The following SHANK2 variants were observed in gnomAD, a reference collection of about 807,000 sequenced individuals.
SHANK2 encodes SH3 and multiple ankyrin repeat domains protein 2.
Under a neutral mutation model 133.7 loss-of-function variants are expected in SHANK2, and 43 were observed. The observed-to-expected ratio is 0.32, with a 90% CI of 0.25 to 0.41. SHANK2 has a LOEUF of 0.41. SHANK2 is among the 10% of genes least tolerant of loss of function. The pLI is 1.00. For missense variants in SHANK2, 1,994 were observed against 2,235.8 expected, an observed-to-expected ratio of 0.89 and a Z score of 2.18; for synonymous variants, 1,017 against 952.8, an observed-to-expected ratio of 1.07 and a Z score of -1.24.
chr11:71,139,762 G>A (rs189716344), intron 3 of SHANK2, among the ~76,000 whole-genome samples: 103 of 152,256 alleles, frequency 6.8e-4, no homozygotes, highest in Middle Eastern at 3.4e-3. Context: ...TGCGTGGCCC[G>A]GGAAGCCCAC....
At chr11:71,211,329 A>T (rs576868300) in intron 2 of SHANK2, among the ~76,000 whole-genome samples, 24 of 150,682 alleles carry the variant, frequency 1.6e-4, no homozygotes, top group Non-Finnish European at 2.8e-4. Flanking sequence ...GCTTGAGCTC[A>T]GGTGTTCAAG....
At chr11:70,818,818 G>A (rs1473242949) in intron 12 of SHANK2, among the ~76,000 whole-genome samples, 1 of 152,194 alleles carries the variant, frequency 6.6e-6, no homozygotes, top group Non-Finnish European at 1.5e-5. Context: ...GGCTCTCACC[G>A]GCATGTTCTC....
intron 11 of SHANK2, among the ~76,000 whole-genome samples, chr11:70,886,813 G>A (rs965719994): frequency 6.6e-6 from 1 of 151,938 alleles, no homozygotes. Context: ...ACAGGCACCC[G>A]GTCTTGAAAC....
At chr11:70,758,068 C>T (rs564677) in intron 14 of SHANK2, among the ~76,000 whole-genome samples, 14,745 of 152,178 alleles carry the variant, frequency 0.097, 1,202 homozygotes, top group African/African-American at 0.22. Flanking sequence ...TGCAACTTAG[C>T]TGACACCCAA....
At chr11:71,128,889 A>G (rs1158334143) in intron 3 of SHANK2, among the ~76,000 whole-genome samples, 6 of 152,134 alleles carry the variant, frequency 3.9e-5, no homozygotes, top group Admixed American at 3.9e-4. Context: ...GGTTCAAGCA[A>G]TTCTCTTGCC....
At chr11:70,525,923 T>TG (rs757741946) in intron 17 of SHANK2, among the ~76,000 whole-genome samples, 1 of 151,702 alleles carries the variant, frequency 6.6e-6, no homozygotes, top group Non-Finnish European at 1.5e-5. Flanking sequence ...CTTGGTGGCC[T>TG]GGGGGGCAAC....
At chr11:71,213,398 G>A (rs759152903) in intron 2 of SHANK2, among the ~76,000 whole-genome samples, 4 of 152,202 alleles carry the variant, frequency 2.6e-5, no homozygotes, top group Non-Finnish European at 5.9e-5. Flanking sequence ...ATAGTGCCAA[G>A]TTGGACATCT....
intron 9 of SHANK2, among the ~76,000 whole-genome samples, chr11:71,056,801 T>C (rs1434175765): frequency 1.1e-5 from 1 of 90,136 alleles, no homozygotes; most frequent in Non-Finnish European, 3.4e-5. Context: ...CACATGTATA[T>C]AAAATATACA....
intron 15 of SHANK2, among the ~76,000 whole-genome samples, chr11:70,679,550 C>T (rs1215923652): frequency 6.6e-6 from 1 of 152,240 alleles, no homozygotes; most frequent in African/African-American, 2.4e-5. Flanking sequence ...ATGACCAGTA[C>T]AAAGGGCTGT....
At chr11:70,924,428 G>A (rs1950398117) in intron 10 of SHANK2, among the ~76,000 whole-genome samples, 1 of 152,148 alleles carries the variant, frequency 6.6e-6, no homozygotes, top group African/African-American at 2.4e-5. Flanking sequence ...TGGGGCTGAA[G>A]GAAAGCCATG....
At chr11:71,118,784 G>A (rs1440461891) in intron 4 of SHANK2, 45 bp downstream of exon 4, 6 of 1,466,712 alleles carry the variant, frequency 4.1e-6, no homozygotes, top group African/African-American at 1.4e-5. Context: ...ATGGCATCCA[G>A]GCTGTGACAC....
At chr11:70,850,491 C>T (rs1949069214) in intron 11 of SHANK2, among the ~76,000 whole-genome samples, 1 of 152,184 alleles carries the variant, frequency 6.6e-6, no homozygotes, top group Admixed American at 6.5e-5. Context: ...GTCCCTAAAG[C>T]ACCTGTGAGG....
chr11:70,599,957 A>G (rs1466703292), intron 17 of SHANK2, among the ~76,000 whole-genome samples: 3 of 133,364 alleles, frequency 2.2e-5, no homozygotes, highest in African/African-American at 9.8e-5. Context: ...GAAAGAAAGA[A>G]AGAAAGAAAG....
chr11:71,214,343 G>A (rs557982431), intron 2 of SHANK2, among the ~76,000 whole-genome samples: 33 of 152,262 alleles, frequency 2.2e-4, no homozygotes, highest in Admixed American at 7.2e-4. Flanking sequence ...GAGGAACCGC[G>A]TGCTGGCTCC....
At chr11:70,838,250 T>C (rs1435275882) in intron 11 of SHANK2, among the ~76,000 whole-genome samples, 6 of 152,206 alleles carry the variant, frequency 3.9e-5, no homozygotes. Flanking sequence ...AGCTTATCAA[T>C]ACATGTTCTG....
chr11:70,743,485 G>A (rs562765268), intron 14 of SHANK2, among the ~76,000 whole-genome samples: 1 of 152,356 alleles, frequency 6.6e-6, no homozygotes. Flanking sequence ...AAACACTTCT[G>A]TTGTTTGAGC....
rs201642016 is a variant in SHANK2 at position 71,147,191 on chromosome 11, C to T, written c.136G>A (p.Gly46Ser). Residue 46 changes from glycine to serine, a missense_variant, in exon 3 of 26, where the codon GGT (glycine) becomes AGT (serine). By Grantham distance (56) the Gly-to-Ser change is moderately conservative. Transcript: ENST00000601538. ...CCCTGGCTCTCCTCCGTCCTGGCAC[C>T]GCCCGGCTTCTCCGCAGTGGCCCGG... ...TIRATAEKPG[G>S]ARTEESQGNT... 4.6e-4 allele frequency: 720 copies of T among 1,550,622 alleles called. No individual in the cohort carries two copies. Among genetic ancestry groups the T allele is most frequent in the Admixed American group, 1.0e-3 (51 of 50,980 alleles).
chr11:70,683,680 C>T (rs782784594), intron 15 of SHANK2, among the ~76,000 whole-genome samples: 14 of 152,190 alleles, frequency 9.2e-5, no homozygotes, highest in African/African-American at 2.9e-4. Flanking sequence ...TGCTTCTTGC[C>T]GCTTCTGGTG....
At chr11:70,613,155 T>C (rs1376421953) in intron 17 of SHANK2, among the ~76,000 whole-genome samples, 1 of 152,218 alleles carries the variant, frequency 6.6e-6, no homozygotes, top group Non-Finnish European at 1.5e-5. Context: ...GGGCAATGAC[T>C]ACTGTTTTCT....
Sources: allele counts gnomAD v4.1 joint callset (sites outside exome capture counted in the v4.1 genomes callset), GRCh38; gene constraint gnomAD v4.1.1; transcripts MANE v1.5; gene names NCBI Gene and HGNC (gene_info 2026-07-23, HGNC 2026-07-21).